The following NCKAP5 variants were observed in gnomAD, a reference collection of about 807,000 sequenced individuals.
NCKAP5 encodes NCK associated protein 5, also known as nck-associated protein 5.
A neutral mutation model predicts 167.0 loss-of-function variants in NCKAP5; 92 were observed. That is an observed-to-expected ratio of 0.55 (90% CI 0.47 to 0.66). The LOEUF is 0.66. NCKAP5 is among the 30% of genes least tolerant of loss of function. The pLI, the probability that NCKAP5 is intolerant of heterozygous loss-of-function variation, is 0.00. For synonymous variants in NCKAP5, 891 were observed against 877.4 expected (o/e 1.02, Z -0.27); for missense variants, 2,378 against 2,315.0 (o/e 1.03, Z -0.56).
At chr2:133,279,024 G>A (rs1045874106) in intron 4 of NCKAP5, among the ~76,000 whole-genome samples, 1 of 152,250 alleles carries the variant, frequency 6.6e-6, no homozygotes. Flanking sequence ...CTATTGGTGC[G>A]ACTGTGGGTA....
chr2:133,050,677 T>C (rs534151041), intron 6 of NCKAP5, among the ~76,000 whole-genome samples: 1 of 152,226 alleles, frequency 6.6e-6, no homozygotes, highest in African/African-American at 2.4e-5. Flanking sequence ...AGTCTAGGTA[T>C]ATTTTTCTAC....
At chr2:133,315,120 G>A (rs1238195969) in intron 3 of NCKAP5, among the ~76,000 whole-genome samples, 1 of 152,134 alleles carries the variant, frequency 6.6e-6, no homozygotes, top group Non-Finnish European at 1.5e-5. Flanking sequence ...TTGATTTGAG[G>A]AGTCAAATGG....
intron 11 of NCKAP5, among the ~76,000 whole-genome samples, chr2:132,838,173 C>T (rs1688033243): frequency 1.3e-5 from 2 of 152,190 alleles, no homozygotes; most frequent in South Asian, 2.1e-4. Flanking sequence ...CACCCTCCTG[C>T]TCTCTCCGTG....
intron 19 of NCKAP5, among the ~76,000 whole-genome samples, chr2:132,723,113 C>T (rs1243288564): frequency 6.6e-6 from 1 of 151,806 alleles, no homozygotes; most frequent in African/African-American, 2.4e-5. Context: ...AGGCATGAGC[C>T]ACCATGCCTG....
At chr2:132,781,844 T>C (rs533039393) in intron 14 of NCKAP5, 96 bp downstream of exon 14, 3 of 1,176,888 alleles carry the variant, frequency 2.5e-6, no homozygotes, top group South Asian at 1.6e-5. Flanking sequence ...TGAAAAAACA[T>C]GCTTGACTGG....
At position 132,741,786 on chromosome 2, in the gene NCKAP5, C is replaced by T. The variant is rs142912738; in HGVS notation, c.5129-9735G>A. 1.6e-3 allele frequency among the ~76,000 whole-genome samples: 247 copies of T among 152,234 alleles called. 1 individual carries two copies. The highest frequency in any genetic ancestry group is 5.7e-3 in the African/African-American group (238 of 41,580). On this transcript the variant is annotated intron_variant, in intron 16 of 19. Coordinates refer to ENST00000409261, the MANE Select transcript of NCKAP5 (RefSeq NM_207363.3). ...TCTAATTGAAGAAATGCCAACTTAT[C>T]TATCCACCTTTTCGCACTGTTATCC...
chr2:133,408,997 A>G (rs2151050314), intron 3 of NCKAP5, among the ~76,000 whole-genome samples: 1 of 152,342 alleles, frequency 6.6e-6, no homozygotes, highest in Admixed American at 6.5e-5. Flanking sequence ...TGAATACTGT[A>G]AGCCACTTAA....
chr2:133,163,342 C>A (rs958176695), intron 5 of NCKAP5, among the ~76,000 whole-genome samples: 1 of 152,194 alleles, frequency 6.6e-6, no homozygotes, highest in Non-Finnish European at 1.5e-5. Context: ...GCCCATTTAT[C>A]GCAGGCTCAA....
chr2:133,470,872 G>A (rs1679216728), intron 3 of NCKAP5, among the ~76,000 whole-genome samples: 1 of 152,212 alleles, frequency 6.6e-6, no homozygotes, highest in Non-Finnish European at 1.5e-5. Context: ...GCTTTGGCTT[G>A]CGCATGGTGC....
chr2:133,635,925 A>C, the NCKAP5 span, among the ~76,000 whole-genome samples: 2 of 152,192 alleles, frequency 1.3e-5, no homozygotes, highest in Non-Finnish European at 2.9e-5. Flanking sequence ...GAAGAGTATG[A>C]TTTTAATATA....
chr2:132,876,567 A>G (rs1691296321), intron 9 of NCKAP5, among the ~76,000 whole-genome samples: 1 of 152,238 alleles, frequency 6.6e-6, no homozygotes, highest in Non-Finnish European at 1.5e-5. Flanking sequence ...CCCCATTGAG[A>G]GTGTTCTCTT....
At chr2:132,869,034 C>T in intron 9 of NCKAP5, 60 bp from the exon 10 acceptor site, 1 of 1,226,186 alleles carries the variant, frequency 8.2e-7, no homozygotes, top group Non-Finnish European at 1.1e-6. Flanking sequence ...TGCACCGACT[C>T]TAATTTACCA....
intron 3 of NCKAP5, among the ~76,000 whole-genome samples, chr2:133,370,778 C>CT (rs1179186315): frequency 1.5e-5 from 2 of 136,942 alleles, no homozygotes; most frequent in East Asian, 4.3e-4. Context: ...GATTTTTTTT[C>CT]TTTTTTTCCC....
chr2:132,895,211 G>A (rs867767434), intron 8 of NCKAP5, among the ~76,000 whole-genome samples: 4 of 151,698 alleles, frequency 2.6e-5, no homozygotes, highest in Non-Finnish European at 5.9e-5. Context: ...GGCGCCTGTA[G>A]TCCCAGCTAC....
At chr2:133,322,804 C>T (rs1196923147) in intron 3 of NCKAP5, among the ~76,000 whole-genome samples, 1 of 152,152 alleles carries the variant, frequency 6.6e-6, no homozygotes, top group Non-Finnish European at 1.5e-5. Flanking sequence ...CAAACCTCAG[C>T]CAGCACTAGT....
At chr2:132,883,237 C>CACA (rs56707659) in intron 8 of NCKAP5, among the ~76,000 whole-genome samples, 6 of 148,596 alleles carry the variant, frequency 4.0e-5, no homozygotes, top group South Asian at 2.2e-4. Flanking sequence ...CACACACACA[C>CACA]GACACCCACC....
rs531861188 is a variant in NCKAP5 at position 132,783,743 on chromosome 2, T to C, written c.3068A>G (p.His1023Arg). 1 of 1,604,434 alleles carries C rather than the reference T, an allele frequency of 6.2e-7. No individual in the cohort carries two copies. The highest frequency in any genetic ancestry group is 2.2e-5 in the East Asian group (1 of 44,790). ...TACGGTGAAGGAGCTGGAGGGGGCA[T>C]GAGCAGGGCATCGGGTTTGAATGAC... ...EAVIQTRCPAHAPSSSFTVMA... is the reference protein window; with the variant it reads ...EAVIQTRCPARAPSSSFTVMA... The change falls in exon 14 of 20, where the codon CAT (histidine) becomes CGT (arginine). Residue 1023 changes from histidine to arginine, a missense_variant. Coordinates refer to ENST00000409261, the MANE Select transcript of NCKAP5 (RefSeq NM_207363.3).
At chr2:132,752,068 C>T (rs1411750698) in intron 16 of NCKAP5, among the ~76,000 whole-genome samples, 1 of 152,242 alleles carries the variant, frequency 6.6e-6, no homozygotes, top group South Asian at 2.1e-4. Context: ...GAGCAACTCT[C>T]ACTGATTTTA....
intron 11 of NCKAP5, among the ~76,000 whole-genome samples, chr2:132,819,029 T>C (rs1686501979): frequency 6.6e-6 from 1 of 152,252 alleles, no homozygotes; most frequent in Non-Finnish European, 1.5e-5. Context: ...CCTTTCTTTA[T>C]AATCTTATGT....
Sources: allele counts gnomAD v4.1 joint callset (sites outside exome capture counted in the v4.1 genomes callset), GRCh38; gene constraint gnomAD v4.1.1; transcripts MANE v1.5; gene names NCBI Gene and HGNC (gene_info 2026-07-23, HGNC 2026-07-21).